Variants in CENPP observed in about 807,000 individuals in gnomAD.
The protein encoded by CENPP is centromere protein P.
A neutral mutation model predicts 35.6 loss-of-function variants in CENPP; 24 were observed. The observed-to-expected ratio is 0.67, with a 90% CI of 0.49 to 0.95. The LOEUF is 0.95. Among genes scored for constraint, CENPP ranks in the 40% least tolerant of loss-of-function variants. The pLI is 0.00. For synonymous variants in CENPP, 120 were observed against 125.5 expected (o/e 0.96, Z 0.29); for missense variants, 332 against 345.3 (o/e 0.96, Z 0.31).
At chr9:92,549,654 A>AAAAAC (rs1349585387) in intron 5 of CENPP, among the ~76,000 whole-genome samples, 1 of 143,218 alleles carries the variant, frequency 7.0e-6, no homozygotes, top group African/African-American at 2.8e-5. Context: ...CTCAAAAAAA[A>AAAAAC]AAAACAAAAC....
At chr9:92,428,575 A>G (rs565014432) in intron 5 of CENPP, among the ~76,000 whole-genome samples, 2 of 151,744 alleles carry the variant, frequency 1.3e-5, no homozygotes, top group African/African-American at 2.4e-5. Flanking sequence ...GTCTCATACC[A>G]TGACTGCCAT....
At chr9:92,600,386 G>T in intron 5 of CENPP, 1 of 1,600,060 alleles carries the variant, frequency 6.2e-7, no homozygotes, top group Non-Finnish European at 8.5e-7. Flanking sequence ...ATTTCCAGTA[G>T]AGTGGGTCTC....
intron 1 of CENPP, among the ~76,000 whole-genome samples, chr9:92,330,208 G>C (rs1840697384): frequency 1.3e-5 from 2 of 152,162 alleles, no homozygotes; most frequent in Admixed American, 1.3e-4. Context: ...AAGGTATAGA[G>C]CCTGACATAC....
chr9:92,523,745 G>A (rs143831524), intron 5 of CENPP, among the ~76,000 whole-genome samples: 2 of 152,182 alleles, frequency 1.3e-5, no homozygotes, highest in South Asian at 2.1e-4. Context: ...CTAGGAGCCT[G>A]TACGTCTGTC....
rs1192316426 is a variant in CENPP at position 92,620,077 on chromosome 9, T to C, written c.*6928T>C. 1 of 161,552 alleles carries C rather than the reference T, an allele frequency of 6.2e-6. No homozygotes were observed. The highest frequency in any genetic ancestry group is 1.4e-5 in the Non-Finnish European group (1 of 72,820). The allele number at this position is 161,552 out of a possible 1,614,324, so 10.0% of individuals were successfully genotyped here. ...GCCACCCTTCTACAGGCTGTGCATG[T>C]GTTAACTTGCTCCACCCTCACAGCA... On this transcript the variant is annotated 3_prime_UTR_variant, in exon 8 of 8. Transcript: ENST00000375587.
At chr9:92,607,647 G>C (rs1193626513) in intron 5 of CENPP, among the ~76,000 whole-genome samples, 1 of 152,190 alleles carries the variant, frequency 6.6e-6, no homozygotes, top group Non-Finnish European at 1.5e-5. Context: ...GTCAAGATGA[G>C]TTAACGTATC....
intron 4 of CENPP, among the ~76,000 whole-genome samples, chr9:92,375,777 C>T (rs1345917922): frequency 6.6e-6 from 1 of 151,768 alleles, no homozygotes; most frequent in African/African-American, 2.4e-5. Context: ...GTTCTCTAAA[C>T]ATATTTAAGA....
At chr9:92,425,468 T>C (rs946248359) in intron 5 of CENPP, among the ~76,000 whole-genome samples, 3 of 152,202 alleles carry the variant, frequency 2.0e-5, no homozygotes, top group African/African-American at 7.2e-5. Flanking sequence ...ATGTTTAATT[T>C]TTACACTGTT....
intron 5 of CENPP, among the ~76,000 whole-genome samples, chr9:92,596,445 C>CAAAAGAAA (rs1850783240): frequency 1.4e-5 from 1 of 72,002 alleles, no homozygotes; most frequent in Non-Finnish European, 2.5e-5. Flanking sequence ...GACCCTGTGT[C>CAAAAGAAA]AAAAAAAAAA....
rs149820378 is a variant in CENPP, at chr9:92,353,511, T to A, written c.467+7724T>A. On this transcript the variant is annotated intron_variant, in intron 4 of 7. Transcript: ENST00000375587. ...ATGAATCTCTGCTATTCCATGCATA[T>A]TCTTCCTTACCTCCATTGTGAAGTA... 1.1e-3 allele frequency among the ~76,000 whole-genome samples: 173 copies of A among 152,366 alleles called. 5 individuals carry two copies. The East Asian group carries it at 0.029, about 26-fold the overall frequency.
intron 5 of CENPP, among the ~76,000 whole-genome samples, chr9:92,497,420 T>A: frequency 6.6e-6 from 1 of 150,830 alleles, no homozygotes. Flanking sequence ...AGGTCAGGAG[T>A]TCAAGACCAG....
chr9:92,542,587 G>T (rs1168780952), intron 5 of CENPP, among the ~76,000 whole-genome samples: 3 of 151,910 alleles, frequency 2.0e-5, no homozygotes, highest in East Asian at 3.9e-4. Flanking sequence ...CACGATCATG[G>T]CTCACTGCAA....
chr9:92,611,211 A>G, intron 5 of CENPP, 103 bp from the exon 6 acceptor site: 1 of 902,502 alleles, frequency 1.1e-6, no homozygotes, highest in Non-Finnish European at 1.8e-6. Context: ...AAACACTCGG[A>G]CCCTGATTTT....
At chr9:92,553,922 G>A (rs187592987) in intron 5 of CENPP, among the ~76,000 whole-genome samples, 1 of 152,094 alleles carries the variant, frequency 6.6e-6, no homozygotes, top group Non-Finnish European at 1.5e-5. Context: ...TTGCCTGATT[G>A]CTCTGGCTAG....
chr9:92,606,191 G>C (rs564794560), intron 5 of CENPP, among the ~76,000 whole-genome samples: 12 of 152,258 alleles, frequency 7.9e-5, no homozygotes, highest in East Asian at 1.9e-4. Flanking sequence ...GAGCCTGGGA[G>C]GTAGAGATTG....
At chr9:92,440,890 A>G (rs548960349) in intron 5 of CENPP, among the ~76,000 whole-genome samples, 20 of 152,312 alleles carry the variant, frequency 1.3e-4, no homozygotes, top group Admixed American at 1.2e-3. Flanking sequence ...CTCACTTAAC[A>G]TCGTCAATGG....
chr9:92,571,550 T>C (rs777384469), intron 5 of CENPP, among the ~76,000 whole-genome samples: 8 of 152,216 alleles, frequency 5.3e-5, no homozygotes, highest in Non-Finnish European at 1.0e-4. Flanking sequence ...GAAGAATGTA[T>C]ATTCTGTTGA....
At chr9:92,391,781 G>C (rs1842698337) in intron 5 of CENPP, among the ~76,000 whole-genome samples, 1 of 152,206 alleles carries the variant, frequency 6.6e-6, no homozygotes, top group African/African-American at 2.4e-5. Context: ...TGCATGTCAA[G>C]TAATTCAAAT....
chr9:92,342,449 TG>T (rs978495086), intron 3 of CENPP, among the ~76,000 whole-genome samples: 25 of 152,382 alleles, frequency 1.6e-4, no homozygotes, highest in African/African-American at 6.0e-4. Flanking sequence ...AGACATGAGT[TG>T]TCATTGTTTA....
Sources: gnomAD v4.1 joint callset for allele counts (sites outside exome capture counted in the v4.1 genomes callset) on GRCh38, gnomAD v4.1.1 for gene constraint, MANE v1.5 for transcripts, NCBI Gene and HGNC (gene_info 2026-07-23, HGNC 2026-07-21) for gene names.